NDUFS4: variants seen among roughly 807,000 people sequenced by gnomAD.
NDUFS4 encodes NADH dehydrogenase [ubiquinone] iron-sulfur protein 4, mitochondrial.
A neutral mutation model predicts 24.3 loss-of-function variants in NDUFS4; 28 were observed. The ratio of observed to expected loss-of-function variants is 1.15; its 90% CI spans 0.85 to 1.58. The LOEUF is 1.58. Among genes scored for constraint, NDUFS4 ranks in the 40% most tolerant of loss-of-function variants. The pLI, the probability that NDUFS4 is intolerant of heterozygous loss-of-function variation, is 0.00. For synonymous variants in NDUFS4, 93 were observed against 69.7 expected, an observed-to-expected ratio of 1.34 and a Z score of -1.67; for missense variants, 223 against 207.9, an observed-to-expected ratio of 1.07 and a Z score of -0.45.
chr5:53,570,595 G>A (rs535011575), intron 1 of NDUFS4, among the ~76,000 whole-genome samples: 1 of 151,940 alleles, frequency 6.6e-6, no homozygotes, highest in South Asian at 2.1e-4. Flanking sequence ...GTTTTCCAGA[G>A]TGGTTGTACC....
intron 2 of NDUFS4, among the ~76,000 whole-genome samples, chr5:53,631,655 C>T (rs1489990617): frequency 6.6e-6 from 1 of 152,172 alleles, no homozygotes; most frequent in Non-Finnish European, 1.5e-5. Context: ...TTGAACTTCC[C>T]AGCAGCATTG....
intron 2 of NDUFS4, among the ~76,000 whole-genome samples, chr5:53,613,387 G>T (rs1750755801): frequency 6.6e-6 from 1 of 151,954 alleles, no homozygotes; most frequent in Non-Finnish European, 1.5e-5. Context: ...TTACATCAAA[G>T]AATAGCAGCC....
At chr5:53,619,114 AAATAATAATAAT>A (rs574681564) in intron 2 of NDUFS4, among the ~76,000 whole-genome samples, 26 of 148,932 alleles carry the variant, frequency 1.7e-4, no homozygotes, top group Non-Finnish European at 2.5e-4. Context: ...ACTGTCTCCA[AAATAATAATAAT>A]AATAATAATA....
At chr5:53,666,113 TA>T (rs1446974578) in intron 4 of NDUFS4, among the ~76,000 whole-genome samples, 1 of 152,236 alleles carries the variant, frequency 6.6e-6, no homozygotes, top group Non-Finnish European at 1.5e-5. Context: ...TATTTTGACT[TA>T]AAATAACATT....
chr5:53,629,079 T>A (rs1208658498), intron 2 of NDUFS4, among the ~76,000 whole-genome samples: 1 of 152,202 alleles, frequency 6.6e-6, no homozygotes, highest in Non-Finnish European at 1.5e-5. Context: ...GTACGTTGTG[T>A]CTTTGTTCTC....
chr5:53,574,052 C>T (rs554484872), intron 1 of NDUFS4, among the ~76,000 whole-genome samples: 9 of 152,148 alleles, frequency 5.9e-5, no homozygotes, highest in South Asian at 2.1e-4. Flanking sequence ...TCATGCAGTC[C>T]GTGAATAGGG....
chr5:53,581,863 A>G (rs745426127), intron 1 of NDUFS4, among the ~76,000 whole-genome samples: 1 of 152,164 alleles, frequency 6.6e-6, no homozygotes, highest in Non-Finnish European at 1.5e-5. Flanking sequence ...GTTAAAAAAG[A>G]TCATCACATT....
At chr5:53,625,245 A>G (rs1751182324) in intron 2 of NDUFS4, among the ~76,000 whole-genome samples, 1 of 151,988 alleles carries the variant, frequency 6.6e-6, no homozygotes, top group Admixed American at 6.6e-5. Flanking sequence ...TTCTTTTATC[A>G]TCATTACTGT....
intron 2 of NDUFS4, among the ~76,000 whole-genome samples, chr5:53,619,847 G>A (rs972245635): frequency 2.0e-5 from 3 of 151,996 alleles, no homozygotes; most frequent in Non-Finnish European, 4.4e-5. Context: ...TTGTATGGCT[G>A]TACCATAATA....
intron 2 of NDUFS4, among the ~76,000 whole-genome samples, chr5:53,622,624 A>C (rs1751083115): frequency 6.6e-6 from 1 of 152,216 alleles, no homozygotes; most frequent in Non-Finnish European, 1.5e-5. Context: ...TTTTGGGAGA[A>C]TACAAACATT....
rs11414085 is a variant in NDUFS4, at chr5:53,603,336, C to CTTTTT, written c.99-105_99-101dup. 843 of 508,772 alleles carry CTTTTT rather than the reference C, an allele frequency of 1.7e-3. 12 individuals carry two copies. The highest frequency in any genetic ancestry group is 4.1e-3 in the South Asian group (178 of 43,760). 31.5% of individuals were successfully genotyped at this position (508,772 alleles called of 1,614,324 possible). ...TGCCCTCTTCTCTTTCTTTCCTTTCCTTTTTTTTTTTTTTTAATAAGACAG... is the reference window on the plus strand; with the variant it reads ...TGCCCTCTTCTCTTTCTTTCCTTTCCTTTTTTTTTTTTTTTTTTTTAATAAGACAG... On this transcript the variant is annotated intron_variant, in intron 1 of 4. Coordinates refer to ENST00000296684, the MANE Select transcript of NDUFS4 (RefSeq NM_002495.4).
intron 2 of NDUFS4, among the ~76,000 whole-genome samples, chr5:53,633,382 C>T (rs1751463477): frequency 6.6e-6 from 1 of 152,134 alleles, no homozygotes; most frequent in Non-Finnish European, 1.5e-5. Context: ...ATTTTTTGAC[C>T]TTTCCCTGAC....
intron 1 of NDUFS4, among the ~76,000 whole-genome samples, chr5:53,593,533 A>G (rs1019272665): frequency 6.8e-6 from 1 of 146,454 alleles, no homozygotes; most frequent in Admixed American, 6.8e-5. Flanking sequence ...CCAATTTCCT[A>G]TTTACAATTT....
intron 1 of NDUFS4, among the ~76,000 whole-genome samples, chr5:53,577,626 A>G (rs1368585375): frequency 6.6e-6 from 1 of 152,006 alleles, no homozygotes; most frequent in Non-Finnish European, 1.5e-5. Flanking sequence ...TGATTATATT[A>G]TAGTTTGATA....
intron 1 of NDUFS4, among the ~76,000 whole-genome samples, chr5:53,568,753 T>C (rs1412995636): frequency 6.6e-6 from 1 of 152,162 alleles, no homozygotes; most frequent in Non-Finnish European, 1.5e-5. Flanking sequence ...AGGAAGGTGG[T>C]CTTTCACTGG....
intron 4 of NDUFS4, among the ~76,000 whole-genome samples, chr5:53,665,668 G>A (rs539214244): frequency 1.1e-3 from 170 of 152,352 alleles, no homozygotes; most frequent in African/African-American, 3.9e-3. Context: ...TGCTAAGACC[G>A]TTGGAAAAGC....
intron 2 of NDUFS4, among the ~76,000 whole-genome samples, chr5:53,642,306 A>G (rs1196915100): frequency 6.6e-6 from 1 of 152,178 alleles, no homozygotes; most frequent in East Asian, 1.9e-4. Flanking sequence ...CTAATTTACC[A>G]AAGACACAAC....
chr5:53,646,133 C>T, intron 2 of NDUFS4, 100 bp from the exon 3 acceptor site: 1 of 1,002,938 alleles, frequency 1.0e-6, no homozygotes, highest in Non-Finnish European at 1.5e-6. Context: ...AATTTATGAA[C>T]AAATCTGAAT....
chr5:53,662,405 A>G (rs1341521678), intron 4 of NDUFS4, among the ~76,000 whole-genome samples: 1 of 152,156 alleles, frequency 6.6e-6, no homozygotes, highest in East Asian at 1.9e-4. Flanking sequence ...CCAGTATTTT[A>G]TTGAGGATTT....
Sources: allele counts gnomAD v4.1 joint callset (sites outside exome capture counted in the v4.1 genomes callset), GRCh38; gene constraint gnomAD v4.1.1; transcripts MANE v1.5; gene names NCBI Gene and HGNC (gene_info 2026-07-23, HGNC 2026-07-21).